Variants in NT5DC1 observed in about 807,000 individuals in gnomAD.
NT5DC1 encodes 5'-nucleotidase domain containing 1.
NT5DC1 carries 42 observed loss-of-function variants against 59.4 expected under a neutral mutation model. The observed-to-expected ratio is 0.71, with a 90% CI of 0.55 to 0.92. The LOEUF (loss-of-function observed/expected upper bound fraction) is 0.92. Among genes scored for constraint, NT5DC1 ranks in the 40% least tolerant of loss-of-function variants. The pLI, the probability that NT5DC1 is intolerant of heterozygous loss-of-function variation, is 0.00. For synonymous variants in NT5DC1, 172 were observed against 188.1 expected, an observed-to-expected ratio of 0.91 and a Z score of 0.70; for missense variants, 501 against 537.1, an observed-to-expected ratio of 0.93 and a Z score of 0.66.
chr6:116,130,809 T>C (rs964854302), intron 6 of NT5DC1, among the ~76,000 whole-genome samples: 1 of 152,156 alleles, frequency 6.6e-6, no homozygotes, highest in African/African-American at 2.4e-5. Context: ...AATATAGTTA[T>C]TCATTTGTTT....
intron 6 of NT5DC1, among the ~76,000 whole-genome samples, chr6:116,176,931 G>C (rs924319256): frequency 6.6e-6 from 1 of 152,146 alleles, no homozygotes; most frequent in East Asian, 1.9e-4. Flanking sequence ...TTTGCCCCGT[G>C]TAATTTTAGA....
chr6:116,119,376 CT>C (rs1779037521), intron 6 of NT5DC1: 1 of 152,320 alleles, frequency 6.6e-6, no homozygotes, highest in Admixed American at 6.5e-5. Flanking sequence ...ATATAAAAAG[CT>C]TCTCTGCAAT....
chr6:116,165,654 G>C (rs9488859), intron 6 of NT5DC1, among the ~76,000 whole-genome samples: 5,161 of 152,282 alleles, frequency 0.034, 279 homozygotes, highest in African/African-American at 0.11. Context: ...CCAACCACCA[G>C]TACCACCCCA....
intron 6 of NT5DC1, chr6:116,122,065 A>C: frequency 1.0e-6 from 1 of 992,580 alleles, no homozygotes; most frequent in Non-Finnish European, 1.6e-6. Flanking sequence ...ATATTTCAGC[A>C]TCATTTATTC....
At chr6:116,107,371 A>G (rs1221124453) in intron 2 of NT5DC1, among the ~76,000 whole-genome samples, 1 of 150,892 alleles carries the variant, frequency 6.6e-6, no homozygotes, top group Admixed American at 6.6e-5. Context: ...AATCCTTCTA[A>G]AGTACCCTGT....
chr6:116,193,546 A>T (rs925395949), intron 6 of NT5DC1, among the ~76,000 whole-genome samples: 2 of 152,092 alleles, frequency 1.3e-5, no homozygotes, highest in African/African-American at 4.8e-5. Context: ...TTGAGAGAAT[A>T]AAATAATATA....
At chr6:116,202,275 T>G (rs1191643336) in intron 6 of NT5DC1, among the ~76,000 whole-genome samples, 1 of 151,934 alleles carries the variant, frequency 6.6e-6, no homozygotes, top group African/African-American at 2.4e-5. Context: ...TGTAGTACCT[T>G]TTTTTCTTAT....
chr6:116,203,014 T>A (rs548149949), intron 6 of NT5DC1, among the ~76,000 whole-genome samples: 2 of 152,148 alleles, frequency 1.3e-5, no homozygotes, highest in East Asian at 1.9e-4. Context: ...AGTGGTTTTT[T>A]AAATTTAATT....
chr6:116,128,152 A>T (rs190433869), intron 6 of NT5DC1, among the ~76,000 whole-genome samples: 1 of 152,268 alleles, frequency 6.6e-6, no homozygotes, highest in East Asian at 1.9e-4. Flanking sequence ...GGTATTTGTC[A>T]TTCTATACTC....
chr6:116,157,784 A>G (rs1780233727), intron 6 of NT5DC1, among the ~76,000 whole-genome samples: 1 of 152,198 alleles, frequency 6.6e-6, no homozygotes, highest in Non-Finnish European at 1.5e-5. Flanking sequence ...TCTAACGGGG[A>G]AATCAAAAAC....
chr6:116,134,402 A>C (rs907487295), intron 6 of NT5DC1, among the ~76,000 whole-genome samples: 2 of 152,148 alleles, frequency 1.3e-5, no homozygotes, highest in African/African-American at 2.4e-5. Flanking sequence ...GTGTTTTCTC[A>C]TACTTTATAC....
chr6:116,109,961 T>G (rs1778841330), intron 3 of NT5DC1, among the ~76,000 whole-genome samples: 1 of 152,186 alleles, frequency 6.6e-6, no homozygotes, highest in South Asian at 2.1e-4. Context: ...AAACCCCCAG[T>G]GGTTCCTTGA....
At chr6:116,155,119 A>C in intron 6 of NT5DC1, among the ~76,000 whole-genome samples, 1 of 152,286 alleles carries the variant, frequency 6.6e-6, no homozygotes, top group East Asian at 1.9e-4. Context: ...TTTCAATGGC[A>C]AAGTATGTGG....
At chr6:116,143,535 TGTTCAG>T (rs2114372773) in intron 6 of NT5DC1, among the ~76,000 whole-genome samples, 1 of 152,200 alleles carries the variant, frequency 6.6e-6, no homozygotes, top group East Asian at 1.9e-4. Flanking sequence ...TAATTGTTTT[TGTTCAG>T]GTTGAATTTG....
chr6:116,145,156 C>G (rs1238190882), intron 6 of NT5DC1, among the ~76,000 whole-genome samples: 2 of 152,138 alleles, frequency 1.3e-5, no homozygotes, highest in East Asian at 1.9e-4. Flanking sequence ...TCTTTAAACT[C>G]TCCTCCTCAC....
At chr6:116,243,854 T>G in intron 11 of NT5DC1, 55 bp from the exon 12 acceptor site, 1 of 676,988 alleles carries the variant, frequency 1.5e-6, no homozygotes, top group Non-Finnish European at 2.6e-6. Flanking sequence ...TTTGATTTGT[T>G]TATGAAAGGC....
At chr6:116,134,301 A>G (rs986799668) in intron 6 of NT5DC1, among the ~76,000 whole-genome samples, 18 of 151,946 alleles carry the variant, frequency 1.2e-4, no homozygotes, top group African/African-American at 4.3e-4. Context: ...CCTGCTGTAG[A>G]CTCATGGAGA....
intron 5 of NT5DC1, among the ~76,000 whole-genome samples, chr6:116,117,301 A>G (rs914038453): frequency 1.1e-4 from 16 of 152,306 alleles, no homozygotes; most frequent in African/African-American, 3.8e-4. Context: ...AAATTTAGTG[A>G]TATGTATGTG....
chr6:116,222,913 A>C, intron 7 of NT5DC1, 121 bp from the exon 8 acceptor site: 1 of 608,946 alleles, frequency 1.6e-6, no homozygotes, highest in South Asian at 1.9e-5. Flanking sequence ...TAAAGCATGT[A>C]AAAGTTAGTC....
Sources: gnomAD v4.1 joint callset for allele counts (sites outside exome capture counted in the v4.1 genomes callset) on GRCh38, gnomAD v4.1.1 for gene constraint, MANE v1.5 for transcripts, NCBI Gene and HGNC (gene_info 2026-07-23, HGNC 2026-07-21) for gene names.